The following CFAP77 variants were observed in gnomAD, a reference collection of about 807,000 sequenced individuals.
CFAP77 encodes cilia and flagella associated protein 77.
Under a neutral mutation model 31.1 loss-of-function variants are expected in CFAP77, and 25 were observed. That is an observed-to-expected ratio of 0.80 (90% CI 0.59 to 1.12). The LOEUF is 1.12. Ranked by LOEUF, CFAP77 falls within the 50% of genes most tolerant of loss-of-function variation. The pLI, the probability that CFAP77 is intolerant of heterozygous loss-of-function variation, is 0.00. For missense variants in CFAP77, 377 were observed against 397.3 expected, an observed-to-expected ratio of 0.95 and a Z score of 0.44; for synonymous variants, 151 against 159.9, an observed-to-expected ratio of 0.94 and a Z score of 0.42.
At chr9:132,502,422 G>A (rs541922) in intron 3 of CFAP77, among the ~76,000 whole-genome samples, 16,986 of 151,826 alleles carry the variant, frequency 0.11, 1,137 homozygotes, top group African/African-American at 0.18. Flanking sequence ...TTGTGTGACC[G>A]TCACCACCAT....
Position 132,498,823 on chromosome 9 carries a change from C to T in CFAP77, c.295+29C>T. Reference sequence around the variant, plus strand: ...AGCGAGCAGCTTTGGAGCATGAGGGCAGAGGAGTGGGAGGGAGGCTCACCC... The same window carrying T: ...AGCGAGCAGCTTTGGAGCATGAGGGTAGAGGAGTGGGAGGGAGGCTCACCC... On this transcript the variant is annotated intron_variant, in intron 2 of 5. Coordinates refer to ENST00000393216, the MANE Select transcript of CFAP77 (RefSeq NM_001282957.2). The surrounding 1 kb of genome is among the most constrained non-coding windows in gnomAD (Gnocchi z 4.2). 1.3e-6 allele frequency: 2 copies of T among 1,519,772 alleles called. No individual in the cohort carries two copies. Among genetic ancestry groups the T allele is most frequent in the Non-Finnish European group, 1.8e-6 (2 of 1,104,024 alleles). 94.1% of individuals were successfully genotyped at this position (1,519,772 alleles called of 1,614,324 possible).
chr9:132,482,502 C>T (rs1298195874), intron 1 of CFAP77: 15 of 984,744 alleles, frequency 1.5e-5, no homozygotes, highest in Admixed American at 5.9e-5. Flanking sequence ...ACACCTACTG[C>T]GTGCTGGGCA....
chr9:132,572,692 A>G lies in CFAP77; in HGVS notation c.*182A>G. ...AGTCCCCCCTTTTAGGTTAGCCAACATTAGTCTCCACTTAGCCCCAGTGAC... is the reference window on the plus strand; with the variant it reads ...AGTCCCCCCTTTTAGGTTAGCCAACGTTAGTCTCCACTTAGCCCCAGTGAC... On this transcript the variant is annotated 3_prime_UTR_variant, in exon 6 of 6. Transcript: ENST00000393216. 1 of 626,292 alleles carries G rather than the reference A, an allele frequency of 1.6e-6. No homozygotes were observed. Among genetic ancestry groups the G allele is most frequent in the East Asian group, 3.0e-5 (1 of 33,116 alleles). 38.8% of individuals were successfully genotyped at this position (626,292 alleles called of 1,614,324 possible). A position where few individuals can be genotyped will look rare whatever the true frequency, so the allele number is the denominator to read the frequency against.
intron 3 of CFAP77, among the ~76,000 whole-genome samples, chr9:132,534,229 G>A (rs1191450856): frequency 1.3e-5 from 2 of 152,142 alleles, no homozygotes; most frequent in African/African-American, 2.4e-5. Context: ...ATGTTCCCTA[G>A]ATCCATTATT....
chr9:132,454,459 T>G (rs184237481), intron 1 of CFAP77, among the ~76,000 whole-genome samples: 22 of 152,320 alleles, frequency 1.4e-4, no homozygotes, highest in African/African-American at 3.1e-4. Flanking sequence ...AGCTTCTTTC[T>G]CCATAAAACG....
At chr9:132,468,994 G>A (rs915175239) in intron 1 of CFAP77, among the ~76,000 whole-genome samples, 1 of 151,832 alleles carries the variant, frequency 6.6e-6, no homozygotes, top group Admixed American at 6.6e-5. Context: ...AGAGAAGAAA[G>A]TCTCTTCTCT....
chr9:132,550,609 C>G (rs958207522), intron 5 of CFAP77, among the ~76,000 whole-genome samples: 2 of 149,720 alleles, frequency 1.3e-5, no homozygotes, highest in South Asian at 2.1e-4. Flanking sequence ...AATGCAGCCT[C>G]TACCTCCCAG....
chr9:132,544,389 A>G (rs1366263187), intron 5 of CFAP77, among the ~76,000 whole-genome samples: 1 of 151,580 alleles, frequency 6.6e-6, no homozygotes, highest in Non-Finnish European at 1.5e-5. Context: ...TACCTTTTCC[A>G]GCCATGTTGC....
rs949260552 is a variant in CFAP77 at position 132,564,321 on chromosome 9, A to G, written c.733-8067A>G. Among the ~76,000 whole-genome samples, 1 of 152,244 alleles carries G rather than the reference A, an allele frequency of 6.6e-6. No individual in the cohort carries two copies. Among genetic ancestry groups the G allele is most frequent in the Non-Finnish European group, 1.5e-5 (1 of 68,044 alleles). ...ACATGAGGATTTTTTCATTGAAAGT[A>G]GAACAGATTTTTCAAGCAAGAATAC... On this transcript the variant is annotated intron_variant, in intron 5 of 5. Coordinates refer to ENST00000393216, the MANE Select transcript of CFAP77 (RefSeq NM_001282957.2). This position sits in a 1 kb window ranked among gnomAD's most constrained non-coding sequence, Gnocchi z 4.6.
chr9:132,516,623 G>A (rs1021344558), intron 3 of CFAP77, among the ~76,000 whole-genome samples: 6 of 116,946 alleles, frequency 5.1e-5, no homozygotes, highest in Middle Eastern at 8.9e-3. Context: ...ACACACACAC[G>A]AGTATGGGCG....
intron 3 of CFAP77, among the ~76,000 whole-genome samples, chr9:132,523,088 CT>C (rs767708460): frequency 1.4e-3 from 175 of 125,242 alleles, no homozygotes; most frequent in South Asian, 2.2e-3. Flanking sequence ...TTTCTTCTTT[CT>C]TTTTTTTTTT....
At chr9:132,469,805 A>G (rs1851220819) in intron 1 of CFAP77, among the ~76,000 whole-genome samples, 1 of 151,182 alleles carries the variant, frequency 6.6e-6, no homozygotes, top group Non-Finnish European at 1.5e-5. Context: ...GTCCATCTGC[A>G]GGCCTTATTC....
chr9:132,418,499 T>G (rs902386742), intron 1 of CFAP77, among the ~76,000 whole-genome samples: 9 of 152,218 alleles, frequency 5.9e-5, no homozygotes, highest in Admixed American at 5.9e-4. Context: ...CCGGTTTGGT[T>G]TTAATTGCTT....
intron 1 of CFAP77, among the ~76,000 whole-genome samples, chr9:132,460,367 G>A (rs1040364461): frequency 8.5e-5 from 13 of 152,164 alleles, no homozygotes; most frequent in African/African-American, 2.9e-4. Flanking sequence ...ATGTTTGAAC[G>A]TCCATCAGCA....
chr9:132,543,952 G>C (rs1852690073), intron 5 of CFAP77, among the ~76,000 whole-genome samples: 1 of 152,206 alleles, frequency 6.6e-6, no homozygotes, highest in African/African-American at 2.4e-5. Context: ...GGAGGTGCGT[G>C]TGTCCAGCTC....
intron 1 of CFAP77, among the ~76,000 whole-genome samples, chr9:132,474,066 G>A (rs535482018): frequency 6.6e-6 from 1 of 152,332 alleles, no homozygotes; most frequent in Admixed American, 6.5e-5. Flanking sequence ...GCCGGCCCTA[G>A]AGATGTAGCT....
intron 1 of CFAP77, among the ~76,000 whole-genome samples, chr9:132,431,290 T>A (rs1022085204): frequency 3.9e-5 from 6 of 152,152 alleles, no homozygotes; most frequent in Admixed American, 6.5e-5. Flanking sequence ...AAACAAAAAA[T>A]GTTTTAAAAG....
intron 1 of CFAP77, among the ~76,000 whole-genome samples, chr9:132,496,690 G>T (rs1272354587): frequency 6.6e-6 from 1 of 152,230 alleles, no homozygotes; most frequent in Non-Finnish European, 1.5e-5. Context: ...TGCTGGGAAG[G>T]CAGGCTGAGG....
Position 132,506,460 on chromosome 9 carries a change from G to A in CFAP77, c.524+6860G>A, listed in dbSNP as rs540757647. Among the ~76,000 whole-genome samples, 98 of 152,170 alleles carry A rather than the reference G, an allele frequency of 6.4e-4. 1 individual carries two copies. The highest frequency in any genetic ancestry group is 3.4e-3 in the Middle Eastern group (1 of 294). On this transcript the variant is annotated intron_variant, in intron 3 of 5. Transcript: ENST00000393216. ...GAGTCAGGGATGGCGGGGAGGGGAG[G>A]AGCAGGGAGGGCCCGGCAGCAGCTG...
Sources: allele counts gnomAD v4.1 joint callset (sites outside exome capture counted in the v4.1 genomes callset), GRCh38; gene constraint gnomAD v4.1.1; non-coding constraint Gnocchi (gnomAD v3.1); transcripts MANE v1.5; gene names NCBI Gene and HGNC (gene_info 2026-07-23, HGNC 2026-07-21).